The following MYO18B variants were observed in gnomAD, a reference collection of about 807,000 sequenced individuals.
MYO18B encodes myosin XVIIIB.
Under a neutral mutation model 273.0 loss-of-function variants are expected in MYO18B, and 204 were observed. That is an observed-to-expected ratio of 0.75 (90% CI 0.67 to 0.84). The LOEUF is 0.84. Ranked by LOEUF, MYO18B falls within the 40% of genes least tolerant of loss-of-function variation. The probability of loss-of-function intolerance (pLI) is 0.00; values close to 1 mark genes in which losing one functional copy is unlikely to be tolerated. For synonymous variants in MYO18B, 1,330 were observed against 1,305.7 expected, an observed-to-expected ratio of 1.02 and a Z score of -0.40; for missense variants, 3,212 against 3,287.6, an observed-to-expected ratio of 0.98 and a Z score of 0.56.
chr22:25,875,139 T>C (rs1206369784), intron 23 of MYO18B, among the ~76,000 whole-genome samples: 3 of 152,184 alleles, frequency 2.0e-5, no homozygotes, highest in African/African-American at 7.2e-5. Flanking sequence ...AATGAACATA[T>C]TGTGGGCAAC....
intron 11 of MYO18B, among the ~76,000 whole-genome samples, chr22:25,791,770 T>A (rs944897431): frequency 1.3e-5 from 2 of 152,208 alleles, no homozygotes; most frequent in African/African-American, 2.4e-5. Flanking sequence ...AATGGAAGGA[T>A]GAGGGATCAC....
At position 25,781,831 on chromosome 22, in the gene MYO18B, T is replaced by C. The variant is rs1372083380; in HGVS notation, c.2309T>C (p.Leu770Pro). The C allele has an allele frequency of 1.2e-5, 19 of 1,564,874 alleles. No homozygotes were observed. Among genetic ancestry groups the C allele is most frequent in the Non-Finnish European group, 1.4e-5 (16 of 1,158,518 alleles). Reference protein sequence around the residue: ...SQMLAGLDLDLRTELNLHQMA... With the variant: ...SQMLAGLDLDPRTELNLHQMA... ...ATGCTGGCTGGATTGGACTTGGATC[T>C]CAGGTGAGCACTTGGGGCAGGAAGA... Residue 770 changes from leucine (L) to proline (P), a missense_variant, in exon 10 of 44, where the codon CTC (leucine) becomes CCC (proline). Transcript: ENST00000335473.
chr22:25,926,303 T>A (rs1325280518), intron 34 of MYO18B, among the ~76,000 whole-genome samples: 1 of 151,882 alleles, frequency 6.6e-6, no homozygotes, highest in Non-Finnish European at 1.5e-5. Context: ...TTTTTTTTTT[T>A]AAGACAGTGT....
At chr22:25,895,397 C>G (rs1601503829) in intron 28 of MYO18B, 117 bp downstream of exon 28, 4 of 1,257,678 alleles carry the variant, frequency 3.2e-6, no homozygotes, top group Non-Finnish European at 3.3e-6. Context: ...AGGACACAAA[C>G]CCCTTAAGGT....
In MYO18B at chr22:25,995,134, G is replaced by A. The variant is rs115976763; in HGVS notation, c.6287+2641G>A. 9.8e-3 allele frequency among the ~76,000 whole-genome samples: 1,491 copies of A among 152,226 alleles called. 18 individuals are homozygous for A. The highest frequency in any genetic ancestry group is 0.034 in the African/African-American group (1,402 of 41,532). ...AAAAGAATGAGATTCGGTCATTTGC[G>A]GCAATGTGAATGGAACTGGAAGTCA... On this transcript the variant is annotated intron_variant, in intron 40 of 43. Coordinates refer to ENST00000335473, the MANE Select transcript of MYO18B (RefSeq NM_032608.7).
intron 1 of MYO18B, among the ~76,000 whole-genome samples, chr22:25,752,631 T>G (rs1015901831): frequency 3.3e-5 from 4 of 122,010 alleles, no homozygotes; most frequent in African/African-American, 1.3e-4. Context: ...AAGCCACAGC[T>G]ATGCAGCTGC....
chr22:25,817,197 C>CGTTTTT (rs1384069745), intron 12 of MYO18B, among the ~76,000 whole-genome samples: 5 of 148,568 alleles, frequency 3.4e-5, no homozygotes, highest in Non-Finnish European at 7.6e-5. Context: ...TCCCTTCCTC[C>CGTTTTT]CTTTTTCTTT....
intron 21 of MYO18B, among the ~76,000 whole-genome samples, chr22:25,863,224 C>G (rs2090791192): frequency 6.6e-6 from 1 of 152,088 alleles, no homozygotes; most frequent in East Asian, 1.9e-4. Flanking sequence ...ATTATTATTA[C>G]ACTGTCCTTT....
In MYO18B at chr22:25,883,184, C is replaced by A. The variant is rs1193484290; in HGVS notation, c.4314+5136C>A. Among the ~76,000 whole-genome samples, 1 of 152,168 alleles carries A rather than the reference C, an allele frequency of 6.6e-6. No individual in the cohort carries two copies. Among genetic ancestry groups the A allele is most frequent in the Non-Finnish European group, 1.5e-5 (1 of 68,016 alleles). ...AGAGTGCTGGCGTGAACCATTGCAC[C>A]AGACCTGTAATTACACTTTAAAGAG... On this transcript the variant is annotated intron_variant, in intron 25 of 43. Coordinates refer to ENST00000335473, the MANE Select transcript of MYO18B (RefSeq NM_032608.7). This position sits in a 1 kb window ranked among gnomAD's most constrained non-coding sequence, Gnocchi z 7.6.
chr22:25,952,221 T>C, intron 37 of MYO18B, 65 bp from the exon 38 acceptor site: 1 of 1,566,572 alleles, frequency 6.4e-7, no homozygotes, highest in African/African-American at 1.3e-5. Flanking sequence ...GGCTGGGTCC[T>C]GCACATGTCT....
downstream of MYO18B, among the ~76,000 whole-genome samples, chr22:26,033,404 G>A (rs1803713249): frequency 6.6e-6 from 1 of 152,166 alleles, no homozygotes; most frequent in African/African-American, 2.4e-5. Flanking sequence ...GAAAAATAAA[G>A]ATGAAATTAT....
chr22:25,912,047 A>T (rs1183030434), intron 33 of MYO18B, among the ~76,000 whole-genome samples: 1 of 152,240 alleles, frequency 6.6e-6, no homozygotes, highest in Non-Finnish European at 1.5e-5. Context: ...ATCCTTCCCT[A>T]AATTCATTAA....
intron 27 of MYO18B, among the ~76,000 whole-genome samples, chr22:25,893,636 C>G (rs943449899): frequency 6.6e-6 from 1 of 152,120 alleles, no homozygotes; most frequent in African/African-American, 2.4e-5. Flanking sequence ...GATGTTTTTA[C>G]CTTGGTGGAA....
At chr22:26,007,183 C>A (rs894824086) in intron 42 of MYO18B, among the ~76,000 whole-genome samples, 2 of 152,210 alleles carry the variant, frequency 1.3e-5, no homozygotes, top group Non-Finnish European at 2.9e-5. Context: ...TCTTGTCTGT[C>A]TTCCTCATGG....
chr22:26,042,483 A>G, the MYO18B span, among the ~76,000 whole-genome samples: 1 of 152,220 alleles, frequency 6.6e-6, no homozygotes. Flanking sequence ...TGAGTGGGGA[A>G]TATTTACATC....
chr22:25,818,396 A>G (rs1282003755), intron 12 of MYO18B, among the ~76,000 whole-genome samples: 1 of 152,218 alleles, frequency 6.6e-6, no homozygotes, highest in Non-Finnish European at 1.5e-5. Context: ...GAGATCAGCC[A>G]CAGCCGGGCA....
intron 39 of MYO18B, among the ~76,000 whole-genome samples, chr22:25,988,168 C>T (rs1421731839): frequency 2.0e-5 from 3 of 151,926 alleles, no homozygotes; most frequent in East Asian, 1.9e-4. Flanking sequence ...GCATCCCTTC[C>T]GTGTCTCCGG....
intron 39 of MYO18B, among the ~76,000 whole-genome samples, chr22:25,955,566 A>C (rs1569233969): frequency 6.6e-6 from 1 of 152,208 alleles, no homozygotes. Flanking sequence ...GGTGGGCCCA[A>C]AGTGGACCAA....
chr22:25,859,981 C>T lies in MYO18B; in HGVS notation c.3886-8339C>T, dbSNP rs374603087. On this transcript the variant is annotated intron_variant, in intron 21 of 43. Coordinates refer to ENST00000335473, the MANE Select transcript of MYO18B (RefSeq NM_032608.7). ...TGTAGTTTTAGCTCCTCCGTGTAGA[C>T]ATTTGATCTATTGTGTGTTAATTTT... is the stretch of plus-strand genomic sequence containing the variant. Among the ~76,000 whole-genome samples the T allele has an allele frequency of 8.5e-5, 13 of 152,250 alleles. 1 individual carries two copies. In the East Asian group the frequency reaches 1.4e-3, roughly 16 times the overall value.
Sources: gnomAD v4.1 joint callset for allele counts (sites outside exome capture counted in the v4.1 genomes callset) on GRCh38, gnomAD v4.1.1 for gene constraint, Gnocchi (gnomAD v3.1) non-coding constraint, MANE v1.5 for transcripts, NCBI Gene and HGNC (gene_info 2026-07-23, HGNC 2026-07-21) for gene names.